Variants in ANKRD11 observed in about 807,000 individuals in gnomAD.
ANKRD11 encodes ankyrin repeat domain 11.
Under a neutral mutation model 195.7 loss-of-function variants are expected in ANKRD11, and 17 were observed. The ratio of observed to expected loss-of-function variants is 0.09; its 90% CI spans 0.06 to 0.13. ANKRD11 has a LOEUF of 0.13. Among genes scored for constraint, ANKRD11 ranks in the 10% least tolerant of loss-of-function variants. The probability of loss-of-function intolerance (pLI) is 1.00; values close to 1 mark genes in which losing one functional copy is unlikely to be tolerated. For synonymous variants in ANKRD11, 1,953 were observed against 1,528.1 expected, an observed-to-expected ratio of 1.28 and a Z score of -6.49; for missense variants, 3,735 against 3,566.1, an observed-to-expected ratio of 1.05 and a Z score of -1.21.
Position 89,268,804 on chromosome 16 carries a change from G to A in ANKRD11, c.7807-141C>T, listed in dbSNP as rs74033705. ...GTATGGGCCAGGCCCAGCTGTACCC[G>A]CTCCTGGCATCTAGTTACTACACGT... On this transcript the variant is annotated intron_variant, in intron 12 of 12. Transcript: ENST00000301030. 7,814 of 946,974 alleles carry A rather than the reference G, an allele frequency of 8.3e-3. 413 individuals carry two copies. In the African/African-American group the frequency reaches 0.12, roughly 14 times the overall value. 58.7% of individuals were successfully genotyped at this position (946,974 alleles called of 1,614,324 possible). A position where few individuals can be genotyped will look rare whatever the true frequency, so the allele number is the denominator to read the frequency against.
In ANKRD11 at chr16:89,331,131, T is replaced by C. The variant is rs2038044894; in HGVS notation, c.-59-14053A>G. 2.6e-5 allele frequency among the ~76,000 whole-genome samples: 4 copies of C among 152,146 alleles called. No individual in the cohort carries two copies. In the South Asian group the frequency reaches 8.3e-4, roughly 32 times the overall value. On this transcript the variant is annotated intron_variant, in intron 2 of 12. Transcript: ENST00000301030. ...ACCATGCCCGGCTAATTTTTCTATT[T>C]TGAGGAGAGATGGGGTTTCGCCATG...
At chr16:89,444,930 T>G (rs2043715773) in intron 1 of ANKRD11, among the ~76,000 whole-genome samples, 1 of 152,116 alleles carries the variant, frequency 6.6e-6, no homozygotes, top group African/African-American at 2.4e-5. Context: ...GGCAGAGACC[T>G]CAGAGGACAT....
intron 12 of ANKRD11, chr16:89,270,348 A>C: frequency 3.8e-6 from 1 of 262,736 alleles, no homozygotes; most frequent in East Asian, 9.7e-5. Context: ...ACTTTTGGCA[A>C]GTTTCCGCCT....
At chr16:89,346,866 C>A (rs1480987972) in intron 2 of ANKRD11, among the ~76,000 whole-genome samples, 1 of 152,126 alleles carries the variant, frequency 6.6e-6, no homozygotes, top group Non-Finnish European at 1.5e-5. Context: ...AAACAAAAAG[C>A]AAACATGTAA....
At chr16:89,452,800 AAG>A (rs1555587742) in intron 1 of ANKRD11, among the ~76,000 whole-genome samples, 3 of 151,606 alleles carry the variant, frequency 2.0e-5, no homozygotes, top group Non-Finnish European at 2.9e-5. Context: ...AAAAAAAAAA[AAG>A]AATACTTTGA....
intron 11 of ANKRD11, chr16:89,271,238 CTT>C (rs11329471): frequency 0.15 from 43,872 of 297,838 alleles, 151 homozygotes; most frequent in South Asian, 0.18. Flanking sequence ...CTGGGAGAGA[CTT>C]TTTTTTTTTT....
In ANKRD11 at chr16:89,305,216, G is replaced by C; in HGVS notation, c.216C>G (p.Asp72Glu). ...FTAGANGEQKDSDTEKQGPER... is the reference protein window; with the variant it reads ...FTAGANGEQKESDTEKQGPER... ...GCCGCGGGCTGGTACCTGTGTCCGA[G>C]TCCTTCTGCTCCCCATTGGCGCCCG... The change falls in exon 4 of 13, where the codon GAC becomes GAG. Residue 72 changes from aspartate (D) to glutamate (E), a missense_variant. Physicochemically the swap from Asp to Glu is conservative, Grantham distance 45. Coordinates refer to ENST00000301030, the MANE Select transcript of ANKRD11 (RefSeq NM_013275.6). 1 of 1,612,850 alleles carries C rather than the reference G, an allele frequency of 6.2e-7. No homozygotes were observed. The highest frequency in any genetic ancestry group is 8.5e-7 in the Non-Finnish European group (1 of 1,179,782).
At chr16:89,425,909 T>A (rs1025455625) in intron 1 of ANKRD11, among the ~76,000 whole-genome samples, 3 of 152,214 alleles carry the variant, frequency 2.0e-5, no homozygotes, top group African/African-American at 7.2e-5. Context: ...ACAAAATGAA[T>A]GTTCCCAAAC....
At chr16:89,488,438 C>CCG (rs1323665566) in intron 1 of ANKRD11, among the ~76,000 whole-genome samples, 7 of 147,926 alleles carry the variant, frequency 4.7e-5, no homozygotes, top group African/African-American at 1.8e-4. Context: ...AGCAAGACAT[C>CCG]CGCCCCCCCC....
At chr16:89,322,807 G>C (rs1331927624) in intron 2 of ANKRD11, among the ~76,000 whole-genome samples, 1 of 152,244 alleles carries the variant, frequency 6.6e-6, no homozygotes, top group Non-Finnish European at 1.5e-5. Flanking sequence ...GCAGCACACG[G>C]CCATGCTCCA....
chr16:89,481,779 C>T lies in ANKRD11; in HGVS notation c.-145+8466G>A, dbSNP rs191180594. On this transcript the variant is annotated intron_variant, in intron 1 of 12. Transcript: ENST00000301030. ...TTGGATGGGCTTTCGTGTTCAGACA[C>T]GTCTGGCTGACATTCTCACGTTACA... 1.5e-3 allele frequency among the ~76,000 whole-genome samples: 234 copies of T among 152,318 alleles called. 1 individual carries two copies. The highest frequency in any genetic ancestry group is 9.3e-4 in the Non-Finnish European group (63 of 68,026).
At position 89,276,136 on chromosome 16, in the gene ANKRD11, G is replaced by A. The variant is rs192328700; in HGVS notation, c.7471-945C>T. ...AGCGCACGGGGCAGATGGGCAGGTG[G>A]ACGCACAAGAGGGAGACCAGGAAGA... On this transcript the variant is annotated intron_variant, in intron 9 of 12. Transcript: ENST00000301030. 3.1e-3 allele frequency among the ~76,000 whole-genome samples: 479 copies of A among 152,344 alleles called. 4 individuals carry two copies. Among genetic ancestry groups the A allele is most frequent in the Non-Finnish European group, 2.7e-3 (184 of 68,036 alleles).
In ANKRD11 at chr16:89,302,403, C is replaced by A. The variant is rs182716674; in HGVS notation, c.226+2803G>T. ...GAGTAGCTGGGATTACAGGCACCCG[C>A]CGCCACACCTGGCTAATTTTTGTAT... On this transcript the variant is annotated intron_variant, in intron 4 of 12. Transcript: ENST00000301030. 2.6e-5 allele frequency among the ~76,000 whole-genome samples: 4 copies of A among 152,316 alleles called. No individual in the cohort carries two copies. In the East Asian group the frequency reaches 7.7e-4, roughly 29 times the overall value.
chr16:89,490,150 A>C (rs2057778985), intron 1 of ANKRD11, 95 bp downstream of exon 1: 1 of 126,988 alleles, frequency 7.9e-6, no homozygotes, highest in Non-Finnish European at 1.6e-5. Context: ...CCCGCGGCGC[A>C]GCTCCGTCGC....
At chr16:89,309,807 C>A (rs1014634593) in intron 3 of ANKRD11, among the ~76,000 whole-genome samples, 4 of 152,230 alleles carry the variant, frequency 2.6e-5, no homozygotes, top group African/African-American at 9.6e-5. Context: ...GCAAATATCT[C>A]CAACATTAAA....
rs547252189 is a variant in ANKRD11 at position 89,276,897 on chromosome 16, A to C, written c.7471-1706T>G. Among the ~76,000 whole-genome samples the C allele has an allele frequency of 7.4e-4, 112 of 152,084 alleles. 1 individual carries two copies. Among genetic ancestry groups the C allele is most frequent in the African/African-American group, 2.6e-3 (109 of 41,470 alleles). On this transcript the variant is annotated intron_variant, in intron 9 of 12. Coordinates refer to ENST00000301030, the MANE Select transcript of ANKRD11 (RefSeq NM_013275.6). ...ATGGTGAAACCCTGTCTCTACAGAA[A>C]ATGCAAAAATTAGCCGGACGTGGTG...
rs764703551 is a variant in ANKRD11 at position 89,285,336 on chromosome 16, C to T, written c.1206G>A (p.Ala402=). The stretch of plus-strand genomic sequence containing the variant: ...ACGTGTCTGACAGGATACGATGGGA[C>T]GCTTTCTTTGGTGCAATCGTGTTAT... ...TKNNTIAPKK[A]SHRILSDTSD... is the part of the protein sequence containing the mutation. Residue 402 remains alanine (A), a synonymous_variant, in exon 9 of 13, where the codon GCG becomes GCA. Transcript: ENST00000301030. This position sits in a 1 kb window ranked among gnomAD's most constrained non-coding sequence, Gnocchi z 5.6. 58 of 1,613,864 alleles carry T rather than the reference C, an allele frequency of 3.6e-5. No individual in the cohort carries two copies. Among genetic ancestry groups the T allele is most frequent in the Middle Eastern group, 1.6e-4 (1 of 6,084 alleles).
At position 89,288,646 on chromosome 16, in the gene ANKRD11, C is replaced by G. The variant is rs760037330; in HGVS notation, c.626G>C (p.Cys209Ser). ...CGCGACGTCGTAGTAGCCCCGGTTACAGGCCTCGTGCAGCGCCGTCCAGCC... is the reference window on the plus strand; with the variant it reads ...CGCGACGTCGTAGTAGCCCCGGTTAGAGGCCTCGTGCAGCGCCGTCCAGCC... ...FAGWTALHEA[C>S]NRGYYDVAKQ... The change falls in exon 7 of 13, where the codon TGT becomes TCT. Residue 209 changes from cysteine to serine, a missense_variant. Transcript: ENST00000301030. The G allele has an allele frequency of 1.2e-6, 2 of 1,614,052 alleles. No individual in the cohort carries two copies. Among genetic ancestry groups the G allele is most frequent in the Non-Finnish European group, 1.7e-6 (2 of 1,180,022 alleles).
intron 2 of ANKRD11, chr16:89,360,787 A>G (rs1013482359): frequency 6.6e-6 from 1 of 152,236 alleles, no homozygotes; most frequent in Admixed American, 6.5e-5. Flanking sequence ...GATTCACTAA[A>G]AACTCCTGTT....
Sources: allele counts gnomAD v4.1 joint callset (sites outside exome capture counted in the v4.1 genomes callset), GRCh38; gene constraint gnomAD v4.1.1; non-coding constraint Gnocchi (gnomAD v3.1); transcripts MANE v1.5; gene names NCBI Gene and HGNC (gene_info 2026-07-23, HGNC 2026-07-21).